The following ST6GALNAC3 variants were observed in gnomAD, a reference collection of about 807,000 sequenced individuals.
ST6GALNAC3 encodes the protein ST6 N-acetylgalactosaminide alpha-2,6-sialyltransferase 3.
A neutral mutation model predicts 32.7 loss-of-function variants in ST6GALNAC3; 25 were observed. The observed-to-expected ratio is 0.76, with a 90% confidence interval of 0.56 to 1.07. The LOEUF is 1.07. Ranked by LOEUF, ST6GALNAC3 falls within the 50% of genes least tolerant of loss-of-function variation. The probability of loss-of-function intolerance (pLI) is 0.00; values close to 1 mark genes in which losing one functional copy is unlikely to be tolerated. For synonymous variants in ST6GALNAC3, 129 were observed against 133.1 expected (o/e 0.97, Z 0.21); for missense variants, 355 against 382.4 (o/e 0.93, Z 0.60).
chr1:76,325,748 CTATTAT>C (rs1042508202), intron 2 of ST6GALNAC3, among the ~76,000 whole-genome samples: 3 of 149,272 alleles, frequency 2.0e-5, no homozygotes, highest in Non-Finnish European at 4.5e-5. Context: ...ATTATTATTA[CTATTAT>C]TATTATATTA....
intron 1 of ST6GALNAC3, among the ~76,000 whole-genome samples, chr1:76,158,352 A>C (rs1362152575): frequency 6.6e-6 from 1 of 152,206 alleles, no homozygotes; most frequent in African/African-American, 2.4e-5. Flanking sequence ...CAACCGACTG[A>C]GTCAGGCCAA....
At chr1:76,591,179 GTA>G (rs1327887376) in intron 3 of ST6GALNAC3, among the ~76,000 whole-genome samples, 3 of 144,594 alleles carry the variant, frequency 2.1e-5, no homozygotes, top group South Asian at 2.1e-4. Flanking sequence ...GGCTGTGTGC[GTA>G]TGTGTGTGTG....
At chr1:76,593,197 A>C (rs113159730) in intron 3 of ST6GALNAC3, among the ~76,000 whole-genome samples, 1 of 152,196 alleles carries the variant, frequency 6.6e-6, no homozygotes, top group Non-Finnish European at 1.5e-5. Flanking sequence ...TACCCTTTGT[A>C]TGACAAATTG....
intron 2 of ST6GALNAC3, among the ~76,000 whole-genome samples, chr1:76,339,193 G>C (rs1253977731): frequency 6.6e-6 from 1 of 152,132 alleles, no homozygotes; most frequent in Non-Finnish European, 1.5e-5. Context: ...CTTTCATGGC[G>C]AAGGGGACTT....
At chr1:76,598,683 T>C (rs1647175032) in intron 3 of ST6GALNAC3, among the ~76,000 whole-genome samples, 2 of 152,090 alleles carry the variant, frequency 1.3e-5, no homozygotes. Flanking sequence ...CAGATGTGCC[T>C]TGTAGACAAG....
At chr1:76,416,677 G>A (rs893998952) in intron 3 of ST6GALNAC3, among the ~76,000 whole-genome samples, 6 of 142,450 alleles carry the variant, frequency 4.2e-5, no homozygotes, top group South Asian at 2.3e-4. Context: ...ACCCAGGCTG[G>A]AGTGCAGTGG....
chr1:76,461,494 A>C (rs1284897915), intron 3 of ST6GALNAC3, among the ~76,000 whole-genome samples: 1 of 152,182 alleles, frequency 6.6e-6, no homozygotes, highest in African/African-American at 2.4e-5. Context: ...CTCACTTTGG[A>C]AGAATGGTGC....
At chr1:76,343,557 G>A (rs754980915) in intron 2 of ST6GALNAC3, among the ~76,000 whole-genome samples, 14 of 152,200 alleles carry the variant, frequency 9.2e-5, no homozygotes, top group Admixed American at 1.3e-4. Flanking sequence ...ATGCTGCCAG[G>A]ATGAACAACT....
At chr1:76,398,254 C>G (rs1261271333) in intron 2 of ST6GALNAC3, among the ~76,000 whole-genome samples, 1 of 152,128 alleles carries the variant, frequency 6.6e-6, no homozygotes, top group Non-Finnish European at 1.5e-5. Context: ...ATAACCTTTA[C>G]TATTTAATAT....
chr1:76,262,494 A>C (rs982188593), intron 1 of ST6GALNAC3, among the ~76,000 whole-genome samples: 2 of 152,222 alleles, frequency 1.3e-5, no homozygotes, highest in Admixed American at 1.3e-4. Context: ...GTCAATTCTA[A>C]TGTCTTTCTA....
chr1:76,404,050 G>A (rs182023986), intron 2 of ST6GALNAC3, among the ~76,000 whole-genome samples: 1 of 152,026 alleles, frequency 6.6e-6, no homozygotes, highest in Admixed American at 6.6e-5. Context: ...TATGGCAACC[G>A]AGAAACATAG....
At chr1:76,506,188 T>C (rs1206359857) in intron 3 of ST6GALNAC3, among the ~76,000 whole-genome samples, 2 of 152,184 alleles carry the variant, frequency 1.3e-5, no homozygotes, top group African/African-American at 4.8e-5. Flanking sequence ...AAATTTGTAT[T>C]AGCTGATGTC....
At chr1:76,375,710 T>C (rs1651168119) in intron 2 of ST6GALNAC3, among the ~76,000 whole-genome samples, 1 of 152,150 alleles carries the variant, frequency 6.6e-6, no homozygotes, top group South Asian at 2.1e-4. Context: ...TAGGAAATAT[T>C]TGGAAATAAA....
At chr1:76,239,724 A>G (rs1656861553) in intron 1 of ST6GALNAC3, among the ~76,000 whole-genome samples, 1 of 152,186 alleles carries the variant, frequency 6.6e-6, no homozygotes, top group Admixed American at 6.5e-5. Flanking sequence ...ATCACATTTC[A>G]ACATGAGATT....
chr1:76,099,383 G>A (rs1335741), intron 1 of ST6GALNAC3, among the ~76,000 whole-genome samples: 1 of 151,910 alleles, frequency 6.6e-6, no homozygotes, highest in South Asian at 2.1e-4. Flanking sequence ...AAATGAAAAC[G>A]TATGTCCACA....
intron 3 of ST6GALNAC3, among the ~76,000 whole-genome samples, chr1:76,560,690 C>T (rs921334982): frequency 2.6e-5 from 4 of 152,142 alleles, no homozygotes; most frequent in Admixed American, 2.0e-4. Flanking sequence ...ATTGCAAACA[C>T]TGGTGAAGAT....
chr1:76,282,929 C>T (rs1273533570), intron 1 of ST6GALNAC3, among the ~76,000 whole-genome samples: 3 of 151,886 alleles, frequency 2.0e-5, no homozygotes, highest in Non-Finnish European at 4.4e-5. Context: ...ATCCCAGCTA[C>T]TTGGGAGGCT....
intron 1 of ST6GALNAC3, among the ~76,000 whole-genome samples, chr1:76,160,820 AC>A: frequency 6.6e-6 from 1 of 152,172 alleles, no homozygotes; most frequent in Non-Finnish European, 1.5e-5. Context: ...GTGGACTTTC[AC>A]CAGTCCACAA....
chr1:76,369,055 C>A (rs1650611193), intron 2 of ST6GALNAC3, among the ~76,000 whole-genome samples: 1 of 152,090 alleles, frequency 6.6e-6, no homozygotes, highest in Admixed American at 6.5e-5. Context: ...TGTTGCTTAC[C>A]TTTTTGATAT....
Sources: gnomAD v4.1 joint callset for allele counts (sites outside exome capture counted in the v4.1 genomes callset) on GRCh38, gnomAD v4.1.1 for gene constraint, MANE v1.5 for transcripts, NCBI Gene and HGNC (gene_info 2026-07-23, HGNC 2026-07-21) for gene names.